RBFOX1: variants seen among roughly 807,000 people sequenced by gnomAD.
RBFOX1 encodes the protein RNA binding protein fox-1 homolog 1.
A neutral mutation model predicts 57.7 loss-of-function variants in RBFOX1; 8 were observed. That is an observed-to-expected ratio of 0.14 (90% CI 0.08 to 0.25). RBFOX1 has a LOEUF of 0.25. Among genes scored for constraint, RBFOX1 ranks in the 10% least tolerant of loss-of-function variants. The probability of loss-of-function intolerance (pLI) is 1.00; values close to 1 mark genes in which losing one functional copy is unlikely to be tolerated. For synonymous variants in RBFOX1, 326 were observed against 222.4 expected, an observed-to-expected ratio of 1.47 and a Z score of -4.15; for missense variants, 611 against 548.5, an observed-to-expected ratio of 1.11 and a Z score of -1.14.
chr16:7,235,519 C>T (rs370155136), intron 4 of RBFOX1, among the ~76,000 whole-genome samples: 2 of 152,092 alleles, frequency 1.3e-5, no homozygotes, highest in African/African-American at 4.8e-5. Flanking sequence ...ATTTTATGGG[C>T]CCCCGTAGCT....
At chr16:7,185,588 A>G (rs1475544939) in intron 4 of RBFOX1, among the ~76,000 whole-genome samples, 2 of 152,192 alleles carry the variant, frequency 1.3e-5, no homozygotes, top group African/African-American at 2.4e-5. Flanking sequence ...AAACCCTGCC[A>G]CTTTTATTAC....
At chr16:6,532,328 C>T (rs1037986203) in intron 2 of RBFOX1, among the ~76,000 whole-genome samples, 5 of 152,120 alleles carry the variant, frequency 3.3e-5, no homozygotes, top group Non-Finnish European at 7.3e-5. Context: ...GATCTCCATT[C>T]CCTTTTCATA....
chr16:7,278,019 T>C (rs1259126165), intron 4 of RBFOX1, among the ~76,000 whole-genome samples: 1 of 152,138 alleles, frequency 6.6e-6, no homozygotes, highest in Non-Finnish European at 1.5e-5. Context: ...CAGTTCCTTA[T>C]TGGTGGTCAA....
At chr16:5,300,278 C>G (rs553542069) in intron 1 of RBFOX1, among the ~76,000 whole-genome samples, 51 of 152,192 alleles carry the variant, frequency 3.4e-4, no homozygotes, top group East Asian at 2.3e-3. Context: ...TGCACATATG[C>G]TGGCCTTAAA....
At chr16:5,296,514 A>C (rs1206798378) in intron 1 of RBFOX1, among the ~76,000 whole-genome samples, 2 of 152,162 alleles carry the variant, frequency 1.3e-5, no homozygotes, top group African/African-American at 4.8e-5. Flanking sequence ...CAACGAGACA[A>C]ATCCTTGGTT....
chr16:6,761,811 C>G (rs1236569334), intron 3 of RBFOX1, among the ~76,000 whole-genome samples: 1 of 151,854 alleles, frequency 6.6e-6, no homozygotes, highest in African/African-American at 2.4e-5. Context: ...GGCCCTCTCT[C>G]TCCTTGTTGC....
At chr16:6,350,518 A>G in intron 2 of RBFOX1, among the ~76,000 whole-genome samples, 1 of 148,132 alleles carries the variant, frequency 6.8e-6, no homozygotes, top group Non-Finnish European at 1.5e-5. Flanking sequence ...TCTAGAATAT[A>G]CTTCCCAACT....
At chr16:5,526,578 C>T (rs899659805) in intron 2 of RBFOX1, among the ~76,000 whole-genome samples, 9 of 152,156 alleles carry the variant, frequency 5.9e-5, no homozygotes, top group Non-Finnish European at 8.8e-5. Flanking sequence ...TGTGAGCCAC[C>T]ACACCTGGCT....
At chr16:5,406,172 G>A (rs932989865) in intron 1 of RBFOX1, among the ~76,000 whole-genome samples, 7 of 152,120 alleles carry the variant, frequency 4.6e-5, no homozygotes, top group African/African-American at 1.4e-4. Context: ...CAACTTGACT[G>A]GGATACATGA....
At chr16:6,976,867 CAT>C (rs200791513) in intron 3 of RBFOX1, among the ~76,000 whole-genome samples, 862 of 8,342 alleles carry the variant, frequency 0.1, 12 homozygotes, top group African/African-American at 0.39. Context: ...ATATATATCA[CAT>C]ATGTCATATC....
chr16:5,443,722 G>A (rs2068155899), intron 1 of RBFOX1, among the ~76,000 whole-genome samples: 1 of 152,166 alleles, frequency 6.6e-6, no homozygotes, highest in African/African-American at 2.4e-5. Context: ...CTGGGTCAGG[G>A]ACCCCTTTAA....
chr16:5,746,988 T>C (rs543988524), intron 3 of RBFOX1, among the ~76,000 whole-genome samples: 1,948 of 152,108 alleles, frequency 0.013, 15 homozygotes, highest in Non-Finnish European at 0.017. Flanking sequence ...TGAATAGGAG[T>C]GGTGAGAGAG....
intron 4 of RBFOX1, among the ~76,000 whole-genome samples, chr16:7,291,531 G>T (rs2095774094): frequency 6.6e-6 from 1 of 152,180 alleles, no homozygotes. Flanking sequence ...AGCAAAGGAA[G>T]ATGTGAAGGG....
At position 5,278,413 on chromosome 16, in the gene RBFOX1, T is replaced by G. The variant is rs190172711; in HGVS notation, c.219+38308T>G. Among the ~76,000 whole-genome samples the G allele has an allele frequency of 1.9e-3, 294 of 152,370 alleles. 2 individuals are homozygous for G. Among genetic ancestry groups the G allele is most frequent in the Non-Finnish European group, 3.2e-3 (218 of 68,036 alleles). On this transcript the variant is annotated intron_variant, in intron 1 of 2. Transcript: ENST00000585867. ...TTTGTGGCGATTGCGTTTGGCATCT[T>G]CAGCATGAACTCTTTGCCCATCACT...
At chr16:5,835,297 C>T (rs924095651) in intron 3 of RBFOX1, among the ~76,000 whole-genome samples, 4 of 152,282 alleles carry the variant, frequency 2.6e-5, no homozygotes, top group South Asian at 2.1e-4. Flanking sequence ...CGTCCCACCA[C>T]ATGGGAGGAG....
At chr16:6,687,901 A>G (rs1256343372) in intron 3 of RBFOX1, among the ~76,000 whole-genome samples, 1 of 152,162 alleles carries the variant, frequency 6.6e-6, no homozygotes, top group African/African-American at 2.4e-5. Flanking sequence ...AATGCATGTT[A>G]TTTCTCTCCA....
chr16:6,927,680 C>A (rs1382206811), intron 3 of RBFOX1, among the ~76,000 whole-genome samples: 1 of 151,782 alleles, frequency 6.6e-6, no homozygotes, highest in East Asian at 1.9e-4. Context: ...ACCTGCTGCC[C>A]TTTGGGGGAG....
chr16:7,375,176 C>T (rs931388976), intron 4 of RBFOX1, among the ~76,000 whole-genome samples: 8 of 152,214 alleles, frequency 5.3e-5, no homozygotes, highest in Non-Finnish European at 1.0e-4. Context: ...ATTATCCCTA[C>T]CCTATGATAA....
chr16:5,874,855 G>A (rs940829783), intron 4 of RBFOX1, among the ~76,000 whole-genome samples: 2 of 152,120 alleles, frequency 1.3e-5, no homozygotes, highest in Non-Finnish European at 2.9e-5. Context: ...TGAGACGGGA[G>A]GATCACTTGG....
Sources: gnomAD v4.1 joint callset for allele counts (sites outside exome capture counted in the v4.1 genomes callset) on GRCh38, gnomAD v4.1.1 for gene constraint, MANE v1.5 for transcripts, NCBI Gene and HGNC (gene_info 2026-07-23, HGNC 2026-07-21) for gene names.